EPB41L4B: variants seen among roughly 807,000 people sequenced by gnomAD.
The protein encoded by EPB41L4B is band 4.1-like protein 4B.
In EPB41L4B, 30 loss-of-function variants were observed where a neutral mutation model predicts 112.5. That is an observed-to-expected ratio of 0.27 (90% CI 0.20 to 0.36). The LOEUF is 0.36. EPB41L4B is among the 10% of genes least tolerant of loss of function. The pLI, the probability that EPB41L4B is intolerant of heterozygous loss-of-function variation, is 1.00. For missense variants in EPB41L4B, 1,024 were observed against 1,133.3 expected (o/e 0.90, Z 1.38); for synonymous variants, 408 against 439.7 (o/e 0.93, Z 0.90).
chr9:109,189,461 G>A (rs946960084), intron 22 of EPB41L4B, among the ~76,000 whole-genome samples: 1 of 152,152 alleles, frequency 6.6e-6, no homozygotes, highest in Non-Finnish European at 1.5e-5. Flanking sequence ...AGGTGTTAAT[G>A]TAATATTCTT....
At chr9:109,233,491 G>A (rs1310455274) in intron 15 of EPB41L4B, among the ~76,000 whole-genome samples, 6 of 149,434 alleles carry the variant, frequency 4.0e-5, no homozygotes, top group Admixed American at 1.3e-4. Context: ...CTGCAGGGCA[G>A]TATCATGCTG....
intron 16 of EPB41L4B, among the ~76,000 whole-genome samples, 180 bp from the exon 17 acceptor site, chr9:109,213,998 G>A (rs1294209851): frequency 2.0e-5 from 3 of 152,186 alleles, no homozygotes. Context: ...TGAGGTCAAG[G>A]TTTCAAGGCT....
intron 15 of EPB41L4B, among the ~76,000 whole-genome samples, chr9:109,218,124 T>TTC (rs753799403): frequency 3.2e-5 from 3 of 94,962 alleles, no homozygotes; most frequent in African/African-American, 4.9e-5. Flanking sequence ...ATACTAATAA[T>TTC]TCTTTTTTTT....
intron 20 of EPB41L4B, among the ~76,000 whole-genome samples, chr9:109,196,894 G>C (rs950268370): frequency 6.6e-5 from 10 of 152,052 alleles, no homozygotes; most frequent in African/African-American, 2.4e-4. Context: ...TTGAAGACTT[G>C]TTCACAGCAC....
chr9:109,281,977 T>C (rs1414843386), intron 1 of EPB41L4B, among the ~76,000 whole-genome samples: 1 of 152,110 alleles, frequency 6.6e-6, no homozygotes, highest in Non-Finnish European at 1.5e-5. Context: ...TATTCAAAGG[T>C]AGAAACAACC....
chr9:109,232,428 G>GT (rs2118913531), intron 15 of EPB41L4B, among the ~76,000 whole-genome samples: 1 of 152,134 alleles, frequency 6.6e-6, no homozygotes, highest in Non-Finnish European at 1.5e-5. Context: ...TCCTCAAACA[G>GT]TGTTATATGA....
chr9:109,281,450 C>T (rs1010731004), intron 1 of EPB41L4B, among the ~76,000 whole-genome samples: 1 of 152,180 alleles, frequency 6.6e-6, no homozygotes, highest in East Asian at 1.9e-4. Flanking sequence ...TGCCTGTAAT[C>T]CCCACAATTT....
intron 22 of EPB41L4B, among the ~76,000 whole-genome samples, chr9:109,191,881 G>T (rs1832471722): frequency 6.6e-6 from 1 of 152,198 alleles, no homozygotes. Flanking sequence ...CTGGAAAGCT[G>T]GGGTGTGGCC....
intron 3 of EPB41L4B, among the ~76,000 whole-genome samples, chr9:109,268,142 T>A (rs1301399312): frequency 1.3e-5 from 2 of 152,208 alleles, no homozygotes; most frequent in African/African-American, 2.4e-5. Flanking sequence ...TAATCAGTTC[T>A]CATTGGCAGA....
At chr9:109,314,587 T>C (rs1348217151) in intron 1 of EPB41L4B, among the ~76,000 whole-genome samples, 1 of 151,876 alleles carries the variant, frequency 6.6e-6, no homozygotes, top group Non-Finnish European at 1.5e-5. Flanking sequence ...TGCTCTTGCT[T>C]GTATCACGAC....
In EPB41L4B at chr9:109,192,365, C is replaced by T; in HGVS notation, c.2224-10G>A. On this transcript the variant is annotated splice_polypyrimidine_tract_variant and intron_variant, in intron 21 of 25. Transcript: ENST00000374566. ...CTCGGTCAGAGGGGCTCTAGGGAGACAGACAAACACCCCTGGTTAGAGACG... is the reference window on the plus strand; with the variant it reads ...CTCGGTCAGAGGGGCTCTAGGGAGATAGACAAACACCCCTGGTTAGAGACG... 6.3e-7 allele frequency: 1 copy of T among 1,592,756 alleles called. No homozygotes were observed. Among genetic ancestry groups the T allele is most frequent in the Non-Finnish European group, 8.5e-7 (1 of 1,171,664 alleles).
In EPB41L4B at chr9:109,174,468, G is replaced by T; in HGVS notation, c.*86C>A. The T allele has an allele frequency of 1.6e-6, 2 of 1,260,634 alleles. No homozygotes were observed. The highest frequency in any genetic ancestry group is 1.2e-6 in the Non-Finnish European group (1 of 859,448). 78.1% of individuals were successfully genotyped at this position (1,260,634 alleles called of 1,614,324 possible). Reference sequence around the variant, plus strand: ...GGGCGAACAGAGCACACACTTGTATGCTGTGCTAGAGTGAGCACACAAAGC... The same window carrying T: ...GGGCGAACAGAGCACACACTTGTATTCTGTGCTAGAGTGAGCACACAAAGC... On this transcript the variant is annotated 3_prime_UTR_variant, in exon 26 of 26. Coordinates refer to ENST00000374566, the MANE Select transcript of EPB41L4B (RefSeq NM_019114.5).
In EPB41L4B at chr9:109,174,366, T is replaced by C. The variant is rs541669569; in HGVS notation, c.*188A>G. 1.7e-6 allele frequency: 1 copy of C among 578,294 alleles called. No individual in the cohort carries two copies. The highest frequency in any genetic ancestry group is 2.2e-5 in the South Asian group (1 of 45,950). 35.8% of individuals were successfully genotyped at this position (578,294 alleles called of 1,614,324 possible). ...ACTACATAGAGTAATAGAAAAACTCTAATGCTTAGGAGACATAAAATAACT... is the reference window on the plus strand; with the variant it reads ...ACTACATAGAGTAATAGAAAAACTCCAATGCTTAGGAGACATAAAATAACT... On this transcript the variant is annotated 3_prime_UTR_variant, in exon 26 of 26. Coordinates refer to ENST00000374566, the MANE Select transcript of EPB41L4B (RefSeq NM_019114.5).
intron 2 of EPB41L4B, among the ~76,000 whole-genome samples, chr9:109,277,894 A>G (rs1835896645): frequency 6.6e-6 from 1 of 152,160 alleles, no homozygotes; most frequent in South Asian, 2.1e-4. Context: ...AGAATTCTGG[A>G]TCTTGGAGTG....
intron 16 of EPB41L4B, among the ~76,000 whole-genome samples, chr9:109,215,619 C>A (rs1307007996): frequency 6.6e-6 from 1 of 152,160 alleles, no homozygotes; most frequent in African/African-American, 2.4e-5. Flanking sequence ...TCCTGAGTAG[C>A]TGAGATTATA....
chr9:109,241,025 A>G, intron 15 of EPB41L4B: 1 of 985,240 alleles, frequency 1.0e-6, no homozygotes, highest in Non-Finnish European at 1.2e-6. Flanking sequence ...CTAATAAGTT[A>G]TATACTTTAT....
At chr9:109,273,814 ACATAGATCCC>A (rs1237976351) in intron 2 of EPB41L4B, among the ~76,000 whole-genome samples, 5 of 152,316 alleles carry the variant, frequency 3.3e-5, no homozygotes, top group South Asian at 2.1e-4. Flanking sequence ...AGCAGTTGTA[ACATAGATCCC>A]CATAGATCCC....
chr9:109,312,980 C>G (rs1304050981), intron 1 of EPB41L4B, among the ~76,000 whole-genome samples: 1 of 152,114 alleles, frequency 6.6e-6, no homozygotes, highest in Non-Finnish European at 1.5e-5. Context: ...GTGGCTCACA[C>G]GTGTAATCCC....
intron 17 of EPB41L4B, among the ~76,000 whole-genome samples, 198 bp downstream of exon 17, chr9:109,213,502 A>G (rs368115662): frequency 6.6e-6 from 1 of 152,222 alleles, no homozygotes; most frequent in Non-Finnish European, 1.5e-5. Flanking sequence ...AACGACGCCT[A>G]ATGCTATAAT....
Sources: allele counts gnomAD v4.1 joint callset (sites outside exome capture counted in the v4.1 genomes callset), GRCh38; gene constraint gnomAD v4.1.1; transcripts MANE v1.5; gene names NCBI Gene and HGNC (gene_info 2026-07-23, HGNC 2026-07-21).